The following TM9SF2 variants were observed in gnomAD, a reference collection of about 807,000 sequenced individuals.
TM9SF2 encodes 76 kDa membrane protein.
TM9SF2 carries 13 observed loss-of-function variants against 84.9 expected under a neutral mutation model. The observed-to-expected ratio is 0.15, with a 90% CI of 0.10 to 0.24. The LOEUF (loss-of-function observed/expected upper bound fraction) is 0.24. TM9SF2 is among the 10% of genes least tolerant of loss of function. TM9SF2 has a pLI of 1.00. For missense variants in TM9SF2, 562 were observed against 818.5 expected, an observed-to-expected ratio of 0.69 and a Z score of 3.82; for synonymous variants, 273 against 285.8, an observed-to-expected ratio of 0.96 and a Z score of 0.45.
In TM9SF2 at chr13:99,517,631, T is replaced by G. The variant is rs368481467; in HGVS notation, c.189T>G (p.Phe63Leu). 1.3e-5 allele frequency: 21 copies of G among 1,587,962 alleles called. No individual in the cohort carries two copies. The highest frequency in any genetic ancestry group is 1.8e-5 in the Non-Finnish European group (21 of 1,168,526). ...SDECKAEIEL[F>L]VNRLDSVESV... ...ATTTTCAGGCCGAAATAGAACTATT[T>G]GTGAACAGACTTGATTCAGTGGAAT... The change falls in exon 2 of 17, where the codon TTT becomes TTG. Residue 63 changes from phenylalanine (F) to leucine (L), a missense_variant. Physicochemically the swap from Phe to Leu is conservative, Grantham distance 22 (BLOSUM62 0). Coordinates refer to ENST00000376387, the MANE Select transcript of TM9SF2 (RefSeq NM_004800.3).
intron 6 of TM9SF2, 92 bp from the exon 7 acceptor site, chr13:99,539,354 C>G (rs2046248472): frequency 2.6e-6 from 2 of 761,108 alleles, no homozygotes; most frequent in African/African-American, 3.5e-5. Context: ...TTGTCAGCAG[C>G]ATTTTAAAAT....
chr13:99,529,398 A>C, intron 3 of TM9SF2, 69 bp from the exon 4 acceptor site: 5 of 1,396,826 alleles, frequency 3.6e-6, no homozygotes, highest in Non-Finnish European at 4.7e-6. Context: ...CTTTTACTCT[A>C]TTTGTGATAT....
chr13:99,508,657 A>G (rs564554203), intron 1 of TM9SF2, among the ~76,000 whole-genome samples: 1 of 152,218 alleles, frequency 6.6e-6, no homozygotes, highest in East Asian at 1.9e-4. Flanking sequence ...ACCTCAGGAA[A>G]TTTTTACTCA....
chr13:99,552,086 T>C, intron 12 of TM9SF2, 81 bp from the exon 13 acceptor site: 3 of 1,313,328 alleles, frequency 2.3e-6, no homozygotes, highest in African/African-American at 1.5e-5. Context: ...ATTAGAAACA[T>C]AGAAGTTGTC....
At chr13:99,503,498 C>T (rs61972538) in intron 1 of TM9SF2, among the ~76,000 whole-genome samples, 4,819 of 152,170 alleles carry the variant, frequency 0.032, 110 homozygotes, top group Middle Eastern at 0.11. Context: ...CACCTGAAGT[C>T]AGGAGTTTAA....
intron 1 of TM9SF2, among the ~76,000 whole-genome samples, chr13:99,513,494 A>G (rs867096465): frequency 2.6e-5 from 4 of 152,250 alleles, no homozygotes; most frequent in African/African-American, 7.2e-5. Flanking sequence ...TTGGGTAGAA[A>G]TGGGAGAAAC....
chr13:99,542,109 C>T (rs7320221), intron 9 of TM9SF2, among the ~76,000 whole-genome samples: 1,535 of 151,366 alleles, frequency 0.01, 29 homozygotes, highest in African/African-American at 0.035. Context: ...CAAGATCGTG[C>T]CACTGCACTC....
At chr13:99,549,878 G>A (rs980412552) in intron 12 of TM9SF2, among the ~76,000 whole-genome samples, 2 of 152,176 alleles carry the variant, frequency 1.3e-5, no homozygotes, top group Non-Finnish European at 2.9e-5. Context: ...CCATTTGCAG[G>A]CTAGAAATGC....
intron 1 of TM9SF2, among the ~76,000 whole-genome samples, chr13:99,516,279 T>C (rs2046134267): frequency 6.6e-6 from 1 of 152,190 alleles, no homozygotes; most frequent in Non-Finnish European, 1.5e-5. Context: ...CTCGTCTTGC[T>C]TTGGGGGATG....
intron 10 of TM9SF2, among the ~76,000 whole-genome samples, chr13:99,546,163 C>T (rs548787929): frequency 5.9e-5 from 9 of 152,162 alleles, no homozygotes; most frequent in African/African-American, 1.2e-4. Context: ...GGTGTGTGCG[C>T]GTGCTTGCTC....
chr13:99,501,826 C>T (rs1434143798), intron 1 of TM9SF2, 49 bp downstream of exon 1: 2 of 1,561,554 alleles, frequency 1.3e-6, no homozygotes, highest in Non-Finnish European at 1.7e-6. Flanking sequence ...AAGGGGAAGT[C>T]GTCCCTATCC....
intron 3 of TM9SF2, among the ~76,000 whole-genome samples, chr13:99,525,615 G>A (rs369751802): frequency 6.6e-6 from 1 of 150,580 alleles, no homozygotes; most frequent in African/African-American, 2.5e-5. Context: ...GAGTGCAGTG[G>A]CGTGATCTCG....
At chr13:99,518,456 A>G (rs1433939193) in intron 2 of TM9SF2, among the ~76,000 whole-genome samples, 3 of 152,158 alleles carry the variant, frequency 2.0e-5, no homozygotes, top group African/African-American at 7.2e-5. Flanking sequence ...CATTGAATAC[A>G]TTGTGGGCAT....
intron 1 of TM9SF2, among the ~76,000 whole-genome samples, chr13:99,504,570 C>T (rs1477379911): frequency 1.3e-5 from 2 of 152,106 alleles, no homozygotes; most frequent in African/African-American, 4.8e-5. Flanking sequence ...GCATTTAGCT[C>T]AGGATGTAAA....
intron 3 of TM9SF2, among the ~76,000 whole-genome samples, chr13:99,525,707 C>G (rs1394787489): frequency 6.6e-6 from 1 of 152,142 alleles, no homozygotes; most frequent in South Asian, 2.1e-4. Flanking sequence ...AGGCGCCCGC[C>G]ACTACGCCCA....
At position 99,501,835 on chromosome 13, in the gene TM9SF2, C is replaced by A. The variant is rs562159538; in HGVS notation, c.171+58C>A. The A allele has an allele frequency of 7.7e-5, 120 of 1,553,722 alleles. No homozygotes were observed. The East Asian group carries it at 2.8e-3, about 37-fold the overall frequency. ...TGTTGGAAGGGGAAGTCGTCCCTAT[C>A]CGGGGGAGCTGATCCTCGGGTGGGA... is the stretch of plus-strand genomic sequence containing the variant. On this transcript the variant is annotated intron_variant, in intron 1 of 16. Coordinates refer to ENST00000376387, the MANE Select transcript of TM9SF2 (RefSeq NM_004800.3).
intron 10 of TM9SF2, among the ~76,000 whole-genome samples, chr13:99,545,136 T>G (rs56144339): frequency 6.6e-6 from 1 of 152,354 alleles, no homozygotes; most frequent in Non-Finnish European, 1.5e-5. Flanking sequence ...AGTAAACATT[T>G]ATTTTTTATG....
At chr13:99,523,453 A>G (rs1270513261) in intron 3 of TM9SF2, among the ~76,000 whole-genome samples, 1 of 152,202 alleles carries the variant, frequency 6.6e-6, no homozygotes, top group Non-Finnish European at 1.5e-5. Flanking sequence ...ACCCAGCTTT[A>G]TCTTATTTTA....
chr13:99,562,817 C>CT lies in TM9SF2; in HGVS notation c.*60dup. On this transcript the variant is annotated 3_prime_UTR_variant, in exon 17 of 17. Coordinates refer to ENST00000376387, the MANE Select transcript of TM9SF2 (RefSeq NM_004800.3). ...AATTAAACTCTTCATCAACAAAGAC[C>CT]TGTTTTTGTGACTGCCTTGAGTTTT... 6.5e-7 allele frequency: 1 copy of CT among 1,529,968 alleles called. No individual in the cohort carries two copies. Among genetic ancestry groups the CT allele is most frequent in the South Asian group, 1.2e-5 (1 of 85,492 alleles). The allele number at this position is 1,529,968 out of a possible 1,614,324, so 94.8% of individuals were successfully genotyped here.
Sources: allele counts gnomAD v4.1 joint callset (sites outside exome capture counted in the v4.1 genomes callset), GRCh38; gene constraint gnomAD v4.1.1; transcripts MANE v1.5; gene names NCBI Gene and HGNC (gene_info 2026-07-23, HGNC 2026-07-21).